DENND5B: variants seen among roughly 807,000 people sequenced by gnomAD.
DENND5B encodes the protein DENN domain containing 5B, also known as DENN domain-containing protein 5B.
DENND5B carries 34 observed loss-of-function variants against 140.6 expected under a neutral mutation model. The observed-to-expected ratio is 0.24, with a 90% CI of 0.18 to 0.32. The LOEUF (loss-of-function observed/expected upper bound fraction) is 0.32. Among genes scored for constraint, DENND5B ranks in the 10% least tolerant of loss-of-function variants. DENND5B has a pLI of 1.00. For missense variants in DENND5B, 1,142 were observed against 1,560.2 expected (o/e 0.73, Z 4.52); for synonymous variants, 551 against 562.1 (o/e 0.98, Z 0.28).
At position 31,590,994 on chromosome 12, in the gene DENND5B, C is replaced by T. The variant is rs1188048474; in HGVS notation, c.-162G>A. The stretch of plus-strand genomic sequence containing the variant: ...CTCTCGCCGCCGCAGCCTGCCTCCT[C>T]GCTCGGCGCGGGGGAAGCGGCCGCG... On this transcript the variant is annotated 5_prime_UTR_variant, in exon 1 of 21. Coordinates refer to ENST00000389082, the MANE Select transcript of DENND5B (RefSeq NM_144973.4). The T allele has an allele frequency of 3.7e-6, 3 of 806,938 alleles. No individual in the cohort carries two copies. The highest frequency in any genetic ancestry group is 3.7e-5 in the African/African-American group (2 of 53,528). 50.0% of individuals were successfully genotyped at this position (806,938 alleles called of 1,614,324 possible).
intron 8 of DENND5B, chr12:31,432,023 C>T: frequency 8.2e-6 from 8 of 980,388 alleles, no homozygotes; most frequent in Non-Finnish European, 9.7e-6. Flanking sequence ...TGGTAAAGCA[C>T]TTTCAAGCAA....
intron 18 of DENND5B, 73 bp from the exon 19 acceptor site, chr12:31,392,466 A>C (rs1941197999): frequency 2.5e-6 from 4 of 1,588,016 alleles, no homozygotes; most frequent in Non-Finnish European, 3.4e-6. Flanking sequence ...TAGAGAAGCA[A>C]GTGCTGAAGG....
At chr12:31,499,405 A>G (rs1946917611) in intron 1 of DENND5B, among the ~76,000 whole-genome samples, 1 of 152,222 alleles carries the variant, frequency 6.6e-6, no homozygotes, top group African/African-American at 2.4e-5. Flanking sequence ...GAGCTTAAAG[A>G]CTACTGAATA....
At chr12:31,475,921 C>T (rs1013655032) in intron 3 of DENND5B, among the ~76,000 whole-genome samples, 2 of 151,940 alleles carry the variant, frequency 1.3e-5, no homozygotes, top group African/African-American at 2.4e-5. Flanking sequence ...GTCAGGAGTT[C>T]GAGACCAGCC....
chr12:31,409,197 A>G (rs1942304426), intron 14 of DENND5B, 66 bp downstream of exon 14: 2 of 1,463,772 alleles, frequency 1.4e-6, no homozygotes, highest in Non-Finnish European at 1.8e-6. Flanking sequence ...TTGCTTTAAA[A>G]AATATAAATG....
chr12:31,442,649 T>C, intron 7 of DENND5B, 126 bp downstream of exon 7: 1 of 925,030 alleles, frequency 1.1e-6, no homozygotes, highest in Non-Finnish European at 1.5e-6. Context: ...TCAAATGCAT[T>C]AATGTGGTCA....
Position 31,523,253 on chromosome 12 carries a change from G to A in DENND5B, c.128-27334C>T, listed in dbSNP as rs903864360. Among the ~76,000 whole-genome samples the A allele has an allele frequency of 2.0e-5, 3 of 152,070 alleles. No homozygotes were observed. The East Asian group carries it at 5.8e-4, about 29-fold the overall frequency. On this transcript the variant is annotated intron_variant, in intron 1 of 20. Transcript: ENST00000389082. Reference sequence around the variant, plus strand: ...AATTTTTGTATTTTTAGTAGAGATGGGGGTTTGCCATGTTGGCCAGGCTGG... The same window carrying A: ...AATTTTTGTATTTTTAGTAGAGATGAGGGTTTGCCATGTTGGCCAGGCTGG...
At chr12:31,563,637 C>G (rs1949544310) in intron 1 of DENND5B, among the ~76,000 whole-genome samples, 1 of 152,104 alleles carries the variant, frequency 6.6e-6, no homozygotes, top group South Asian at 2.1e-4. Context: ...AACCTACTAT[C>G]AATGATCTGA....
At chr12:31,450,260 T>C (rs754049897) in intron 5 of DENND5B, among the ~76,000 whole-genome samples, 16 of 152,208 alleles carry the variant, frequency 1.1e-4, no homozygotes, top group Non-Finnish European at 1.9e-4. Flanking sequence ...TGTTAGAACA[T>C]TACCTGTCTG....
chr12:31,457,119 T>C (rs1337127926), intron 4 of DENND5B, among the ~76,000 whole-genome samples: 1 of 152,224 alleles, frequency 6.6e-6, no homozygotes, highest in Non-Finnish European at 1.5e-5. Context: ...CAGGGCAAGA[T>C]ATGACAAGAA....
At chr12:31,475,833 G>A (rs1945780833) in intron 3 of DENND5B, among the ~76,000 whole-genome samples, 1 of 152,060 alleles carries the variant, frequency 6.6e-6, no homozygotes, top group Non-Finnish European at 1.5e-5. Context: ...ACTTAAAAGA[G>A]GAGGTGTGGG....
rs1013814566 is a variant in DENND5B, at chr12:31,382,816, G to A, written c.*4787C>T. On this transcript the variant is annotated 3_prime_UTR_variant, in exon 21 of 21. Transcript: ENST00000389082. ...AGCTCCAATCAGATTTTGGAGAGGA[G>A]GTTCTCCTTAGATTCTTTTGATCAC... 2.0e-5 allele frequency: 3 copies of A among 151,800 alleles called. No homozygotes were observed. The highest frequency in any genetic ancestry group is 4.4e-5 in the Non-Finnish European group (3 of 67,946). The allele number at this position is 151,800 out of a possible 1,614,324, so 9.4% of individuals were successfully genotyped here.
intron 1 of DENND5B, among the ~76,000 whole-genome samples, chr12:31,509,365 A>G (rs1947323660): frequency 6.6e-6 from 1 of 152,158 alleles, no homozygotes; most frequent in African/African-American, 2.4e-5. Context: ...TCACGCCTAT[A>G]ATCCCAACAC....
chr12:31,551,958 T>C (rs1949078771), intron 1 of DENND5B, among the ~76,000 whole-genome samples: 1 of 152,214 alleles, frequency 6.6e-6, no homozygotes, highest in Non-Finnish European at 1.5e-5. Flanking sequence ...CTTAAGGAGA[T>C]TTTGGGCTGA....
intron 11 of DENND5B, among the ~76,000 whole-genome samples, chr12:31,415,815 A>G (rs924853156): frequency 6.6e-6 from 1 of 151,910 alleles, no homozygotes; most frequent in African/African-American, 2.4e-5. Context: ...CTATATTATT[A>G]ACACAGTAAA....
chr12:31,516,819 A>C lies in DENND5B; in HGVS notation c.128-20900T>G, dbSNP rs182216863. Among the ~76,000 whole-genome samples, 12 of 152,152 alleles carry C rather than the reference A, an allele frequency of 7.9e-5. No individual in the cohort carries two copies. In the East Asian group the frequency reaches 2.3e-3, roughly 29 times the overall value. ...TGGGCCCTGTGGCTCACACCTTCTAATCCCAGCACTTTGGGAGACTGAAGT... is the reference window on the plus strand; with the variant it reads ...TGGGCCCTGTGGCTCACACCTTCTACTCCCAGCACTTTGGGAGACTGAAGT... On this transcript the variant is annotated intron_variant, in intron 1 of 20. Coordinates refer to ENST00000389082, the MANE Select transcript of DENND5B (RefSeq NM_144973.4).
chr12:31,560,072 T>C (rs1306872949), intron 1 of DENND5B, among the ~76,000 whole-genome samples: 1 of 152,198 alleles, frequency 6.6e-6, no homozygotes, highest in Non-Finnish European at 1.5e-5. Flanking sequence ...GGTGATCTTA[T>C]CTAAACTCAA....
chr12:31,578,783 C>T (rs190326052), intron 1 of DENND5B, among the ~76,000 whole-genome samples: 1 of 152,106 alleles, frequency 6.6e-6, no homozygotes, highest in Non-Finnish European at 1.5e-5. Context: ...GGCAGCAGGG[C>T]GTAGGAAAAA....
intron 3 of DENND5B, among the ~76,000 whole-genome samples, chr12:31,473,262 CTACAATTAGAA>C (rs1280394178): frequency 6.6e-6 from 1 of 152,144 alleles, no homozygotes; most frequent in African/African-American, 2.4e-5. Context: ...TTAACGCAGG[CTACAATTAGAA>C]TGATAATATA....
Sources: allele counts gnomAD v4.1 joint callset (sites outside exome capture counted in the v4.1 genomes callset), GRCh38; gene constraint gnomAD v4.1.1; transcripts MANE v1.5; gene names NCBI Gene and HGNC (gene_info 2026-07-23, HGNC 2026-07-21).